UVRAG: variants seen among roughly 807,000 people sequenced by gnomAD.
UVRAG encodes UV radiation resistance associated.
A neutral mutation model predicts 78.0 loss-of-function variants in UVRAG; 19 were observed. The ratio of observed to expected loss-of-function variants is 0.24; its 90% CI spans 0.17 to 0.36. UVRAG has a LOEUF of 0.36. Ranked by LOEUF, UVRAG falls within the 10% of genes least tolerant of loss-of-function variation. The pLI is 1.00. For synonymous variants in UVRAG, 323 were observed against 324.6 expected (o/e 1.00, Z 0.05); for missense variants, 740 against 853.8 (o/e 0.87, Z 1.66).
At chr11:75,985,967 C>T (rs1949494782) in intron 8 of UVRAG, among the ~76,000 whole-genome samples, 2 of 152,064 alleles carry the variant, frequency 1.3e-5, no homozygotes, top group South Asian at 2.1e-4. Flanking sequence ...AGTTCTTCAG[C>T]TTAATTGTTT....
intron 12 of UVRAG, among the ~76,000 whole-genome samples, chr11:76,056,979 G>C (rs953097079): frequency 3.9e-5 from 6 of 152,170 alleles, no homozygotes; most frequent in African/African-American, 1.2e-4. Flanking sequence ...TTAAAAAACA[G>C]AGAATAGCAA....
chr11:76,094,980 C>G (rs1951764079), intron 13 of UVRAG, among the ~76,000 whole-genome samples: 1 of 152,126 alleles, frequency 6.6e-6, no homozygotes, highest in African/African-American at 2.4e-5. Flanking sequence ...TGCTTGTTTT[C>G]TGGAAGCAGA....
At chr11:75,848,465 T>TCA (rs1319845877) in intron 1 of UVRAG, among the ~76,000 whole-genome samples, 1 of 152,236 alleles carries the variant, frequency 6.6e-6, no homozygotes. Context: ...ACACTGGTAA[T>TCA]CACCCAGATG....
chr11:76,102,620 T>C (rs1163988326), intron 13 of UVRAG, among the ~76,000 whole-genome samples: 10 of 152,066 alleles, frequency 6.6e-5, no homozygotes, highest in Non-Finnish European at 1.5e-4. Flanking sequence ...ATAGGAGTGG[T>C]GAGAGAGGGG....
At chr11:76,070,752 G>C (rs1291027921) in intron 13 of UVRAG, among the ~76,000 whole-genome samples, 2 of 152,114 alleles carry the variant, frequency 1.3e-5, no homozygotes, top group Admixed American at 6.6e-5. Context: ...AGACACAAAA[G>C]GACAAATATT....
chr11:76,103,723 GA>G (rs915305831), intron 13 of UVRAG, among the ~76,000 whole-genome samples: 1 of 151,894 alleles, frequency 6.6e-6, no homozygotes, highest in African/African-American at 2.4e-5. Flanking sequence ...ATTAATGAGA[GA>G]AAAGAGCATT....
At chr11:75,989,096 T>G (rs1949555477) in intron 8 of UVRAG, among the ~76,000 whole-genome samples, 1 of 152,152 alleles carries the variant, frequency 6.6e-6, no homozygotes, top group South Asian at 2.1e-4. Flanking sequence ...GGTCTCACTC[T>G]TTTGCCCAGG....
At chr11:76,110,643 G>A (rs1952052826) in intron 13 of UVRAG, among the ~76,000 whole-genome samples, 1 of 152,174 alleles carries the variant, frequency 6.6e-6, no homozygotes, top group African/African-American at 2.4e-5. Context: ...CTTACCTGCA[G>A]TAATCAGAGA....
chr11:75,876,365 G>T (rs942400987), intron 3 of UVRAG, among the ~76,000 whole-genome samples: 4 of 152,120 alleles, frequency 2.6e-5, no homozygotes, highest in Non-Finnish European at 5.9e-5. Context: ...TCTATATCCA[G>T]TGTTGTTTCC....
In UVRAG at chr11:75,822,743, A is replaced by C. The variant is rs181959528; in HGVS notation, c.117+7219A>C. On this transcript the variant is annotated intron_variant, in intron 1 of 14. Transcript: ENST00000356136. ...GATGGAAGATATCATAGGGAACAGT[A>C]TGGGGGAAGTGGCCCAGAGCTTTCA... Among the ~76,000 whole-genome samples, 155 of 151,946 alleles carry C rather than the reference A, an allele frequency of 1.0e-3. 1 individual carries two copies. The highest frequency in any genetic ancestry group is 1.2e-3 in the Non-Finnish European group (84 of 67,952).
chr11:75,983,595 A>AT (rs1025915860), intron 8 of UVRAG, 82 bp downstream of exon 8: 50 of 1,455,912 alleles, frequency 3.4e-5, no homozygotes, highest in South Asian at 1.5e-5. Flanking sequence ...TCAAATAGTC[A>AT]TTTTTTGTGT....
intron 5 of UVRAG, among the ~76,000 whole-genome samples, chr11:75,909,049 C>G (rs1238040145): frequency 1.3e-5 from 2 of 151,614 alleles, no homozygotes; most frequent in East Asian, 1.9e-4. Context: ...GTTAGTTTAC[C>G]TTAAGATTTG....
In UVRAG at chr11:75,815,219, G is replaced by C; in HGVS notation, c.-189G>C. 1 of 437,214 alleles carries C rather than the reference G, an allele frequency of 2.3e-6. No individual in the cohort carries two copies. Among genetic ancestry groups the C allele is most frequent in the Non-Finnish European group, 4.0e-6 (1 of 249,656 alleles). 27.1% of individuals were successfully genotyped at this position (437,214 alleles called of 1,614,324 possible). ...GGAGGGGTTGCACTGCGGTAATATGGCTCTTCCTTAGCCAGCGGCGGCAAC... is the reference window on the plus strand; with the variant it reads ...GGAGGGGTTGCACTGCGGTAATATGCCTCTTCCTTAGCCAGCGGCGGCAAC... On this transcript the variant is annotated 5_prime_UTR_variant, in exon 1 of 15. Transcript: ENST00000356136.
At chr11:75,820,701 A>C (rs1945368272) in intron 1 of UVRAG, among the ~76,000 whole-genome samples, 1 of 152,236 alleles carries the variant, frequency 6.6e-6, no homozygotes, top group Admixed American at 6.5e-5. Flanking sequence ...ATTTGTTAGA[A>C]TTAATGAATC....
Position 75,815,243 on chromosome 11 carries a change from A to ACGGCGGCAACGGCGGCAGCGGCGGCAG in UVRAG, c.-157_-156insACGGCGGCAGCGGCGGCAGCGGCGGCA, listed in dbSNP as rs1555066719. On this transcript the variant is annotated 5_prime_UTR_variant, in exon 1 of 15. Transcript: ENST00000356136. ...GGCTCTTCCTTAGCCAGCGGCGGCA[A>ACGGCGGCAACGGCGGCAGCGGCGGCAG]CGGCGGCAGCGGCGGCAGCGGCGGC... 1 of 451,062 alleles carries ACGGCGGCAACGGCGGCAGCGGCGGCAG rather than the reference A, an allele frequency of 2.2e-6. No individual in the cohort carries two copies. Among genetic ancestry groups the ACGGCGGCAACGGCGGCAGCGGCGGCAG allele is most frequent in the African/African-American group, 2.1e-5 (1 of 48,708 alleles). The allele number at this position is 451,062 out of a possible 1,614,324, so 27.9% of individuals were successfully genotyped here.
intron 6 of UVRAG, among the ~76,000 whole-genome samples, chr11:75,952,720 T>C (rs963477423): frequency 2.0e-5 from 3 of 152,136 alleles, no homozygotes; most frequent in African/African-American, 4.8e-5. Context: ...GCATTTATGT[T>C]CATGTATAAT....
intron 14 of UVRAG, among the ~76,000 whole-genome samples, chr11:76,134,898 G>A (rs1952574341): frequency 1.3e-5 from 2 of 152,320 alleles, no homozygotes; most frequent in East Asian, 1.9e-4. Context: ...TCTGTGGCCT[G>A]TTAAGAACCG....
intron 13 of UVRAG, among the ~76,000 whole-genome samples, chr11:76,097,680 A>G (rs578076201): frequency 1.3e-5 from 2 of 152,248 alleles, no homozygotes; most frequent in African/African-American, 4.8e-5. Context: ...TTCAATATCT[A>G]TTGATTGAAT....
At chr11:75,875,396 C>T (rs79130537) in intron 3 of UVRAG, among the ~76,000 whole-genome samples, 8,579 of 150,140 alleles carry the variant, frequency 0.057, 291 homozygotes, top group African/African-American at 0.1. Flanking sequence ...TTGTCAGTTA[C>T]TTGGTTTTAT....
Sources: allele counts gnomAD v4.1 joint callset (sites outside exome capture counted in the v4.1 genomes callset), GRCh38; gene constraint gnomAD v4.1.1; transcripts MANE v1.5; gene names NCBI Gene and HGNC (gene_info 2026-07-23, HGNC 2026-07-21).